The following GRAMD1A variants were observed in gnomAD, a reference collection of about 807,000 sequenced individuals.
GRAMD1A encodes the protein protein Aster-A.
A neutral mutation model predicts 92.0 loss-of-function variants in GRAMD1A; 50 were observed. That is an observed-to-expected ratio of 0.54 (90% CI 0.43 to 0.69). GRAMD1A has a LOEUF of 0.69. Ranked by LOEUF, GRAMD1A falls within the 30% of genes least tolerant of loss-of-function variation. GRAMD1A has a pLI of 0.00. For synonymous variants in GRAMD1A, 405 were observed against 403.6 expected (o/e 1.00, Z -0.04); for missense variants, 819 against 978.9 (o/e 0.84, Z 2.18).
Position 35,019,442 on chromosome 19 carries a change from G to A in GRAMD1A, c.1384G>A (p.Val462Met), listed in dbSNP as rs1411410758. The A allele has an allele frequency of 2.5e-6, 4 of 1,613,950 alleles. No homozygotes were observed. Among genetic ancestry groups the A allele is most frequent in the African/African-American group, 1.3e-5 (1 of 75,040 alleles). The change falls in exon 13 of 20, where the codon GTG becomes ATG. Residue 462 changes from valine (V) to methionine (M), a missense_variant. By Grantham distance (21) the Val-to-Met change is conservative. Transcript: ENST00000317991. ...QAGGCVVDSE[V>M]LTQGIPYQDY... ...CGGCGGGTGTGTGGTGGACTCCGAG[G>A]TGCTGACGCAGGGCATCCCCTACCA...
chr19:35,012,038 G>C (rs1323258923), intron 7 of GRAMD1A, among the ~76,000 whole-genome samples: 3 of 152,194 alleles, frequency 2.0e-5, no homozygotes, highest in African/African-American at 2.4e-5. Context: ...AAGGAGGACA[G>C]GGCAGAGCCC....
At chr19:35,005,631 T>C (rs2014754855) in intron 1 of GRAMD1A, among the ~76,000 whole-genome samples, 1 of 152,150 alleles carries the variant, frequency 6.6e-6, no homozygotes, top group Non-Finnish European at 1.5e-5. Flanking sequence ...CCTGGGCCAC[T>C]GGCTGTTTAA....
chr19:35,017,161 A>G (rs566980144), intron 11 of GRAMD1A, among the ~76,000 whole-genome samples: 1 of 144,196 alleles, frequency 6.9e-6, no homozygotes, highest in South Asian at 2.2e-4. Flanking sequence ...GGTGACAGAG[A>G]GAGACTCCAT....
At chr19:35,010,258 C>G in intron 5 of GRAMD1A, 26 bp from the exon 6 acceptor site, 1 of 1,596,662 alleles carries the variant, frequency 6.3e-7, no homozygotes, top group Non-Finnish European at 8.6e-7. Flanking sequence ...CCACCCCGCT[C>G]CTATTGACCC....
chr19:35,016,288 A>G (rs1398853030), intron 11 of GRAMD1A, among the ~76,000 whole-genome samples: 2 of 150,286 alleles, frequency 1.3e-5, no homozygotes, highest in East Asian at 3.9e-4. Context: ...TAAGCGTTTA[A>G]TAAATACAAG....
At position 35,012,443 on chromosome 19, in the gene GRAMD1A, A is replaced by G. The variant is rs2015308042; in HGVS notation, c.607-813A>G. Among the ~76,000 whole-genome samples the G allele has an allele frequency of 2.0e-5, 3 of 152,230 alleles. No individual in the cohort carries two copies. In the South Asian group the frequency reaches 6.2e-4, roughly 31 times the overall value. On this transcript the variant is annotated intron_variant, in intron 7 of 19. Transcript: ENST00000317991. ...GTGGCAAATGTCTGCTGCTATCATC[A>G]CTTACTGTTAACTGTCATCACTGTC...
At chr19:35,006,846 G>A (rs760929040) in intron 1 of GRAMD1A, among the ~76,000 whole-genome samples, 2 of 152,220 alleles carry the variant, frequency 1.3e-5, no homozygotes, top group Admixed American at 6.5e-5. Context: ...GGGGTGTGGC[G>A]ACAGAGGTGC....
chr19:35,024,218 G>A (rs2016284695), intron 19 of GRAMD1A, among the ~76,000 whole-genome samples: 1 of 152,228 alleles, frequency 6.6e-6, no homozygotes, highest in African/African-American at 2.4e-5. Flanking sequence ...GATAATGACT[G>A]ATGCTACCTC....
intron 1 of GRAMD1A, among the ~76,000 whole-genome samples, chr19:35,004,181 A>T (rs2014626957): frequency 6.6e-6 from 1 of 152,144 alleles, no homozygotes; most frequent in Non-Finnish European, 1.5e-5. Context: ...GTGACCTGGG[A>T]GGCTGAGGAT....
intron 1 of GRAMD1A, among the ~76,000 whole-genome samples, chr19:35,003,061 G>GGTGT (rs58809497): frequency 0.24 from 34,501 of 142,178 alleles, 4,297 homozygotes; most frequent in Middle Eastern, 0.36. Flanking sequence ...CAATGCTGCA[G>GGTGT]GTGTGTGTGT....
At position 35,022,013 on chromosome 19, in the gene GRAMD1A, A is replaced by G. The variant is rs1320512256; in HGVS notation, c.1816A>G (p.Ser606Gly). ...CCAGGGCCCCGGGGCAGGCATCCCC[A>G]GTGCCCTGGTTCTCATCAGCATTGT... ...VDQGPGAGIP[S>G]ALVLISIVIC... The change falls in exon 16 of 20, where the codon AGT (serine) becomes GGT (glycine). Residue 606 changes from serine to glycine, a missense_variant. Ser to Gly is a moderately conservative substitution (Grantham distance 56). Around this residue, in one of 3 missense-constraint regions of GRAMD1A, gnomAD observed 577 missense variants for 674.6 expected, o/e 0.86. Transcript: ENST00000317991. The G allele has an allele frequency of 1.9e-6, 3 of 1,613,760 alleles. No homozygotes were observed. The highest frequency in any genetic ancestry group is 1.7e-5 in the Admixed American group (1 of 60,008).
intron 19 of GRAMD1A, 99 bp from the exon 20 acceptor site, chr19:35,025,950 T>C (rs745606673): frequency 4.1e-6 from 3 of 738,084 alleles, no homozygotes; most frequent in Non-Finnish European, 7.4e-6. Context: ...GTATGGCCTC[T>C]AGACCGTCCT....
upstream of GRAMD1A, chr19:34,999,871 G>GT (rs2014216254): frequency 4.7e-6 from 1 of 214,204 alleles, no homozygotes; most frequent in Non-Finnish European, 8.0e-6. Context: ...AGGGAAGGAG[G>GT]AGGCGGCCAA....
At chr19:35,006,780 A>G (rs968718232) in intron 1 of GRAMD1A, among the ~76,000 whole-genome samples, 1 of 152,262 alleles carries the variant, frequency 6.6e-6, no homozygotes, top group Admixed American at 6.5e-5. Context: ...CCTGAAGGTC[A>G]CAGTCTGGGT....
At chr19:35,018,334 G>T (rs1292956441) in intron 11 of GRAMD1A, among the ~76,000 whole-genome samples, 1 of 152,166 alleles carries the variant, frequency 6.6e-6, no homozygotes, top group Non-Finnish European at 1.5e-5. Flanking sequence ...AAGGCAAAGG[G>T]GGAGCAAGTG....
chr19:34,996,354 A>C (rs1380906805), upstream of GRAMD1A: 1 of 1,334,216 alleles, frequency 7.5e-7, no homozygotes, highest in Non-Finnish European at 1.0e-6. Context: ...TCTCTCTGTC[A>C]AGGGTGGGTT....
In GRAMD1A at chr19:35,021,258, C is replaced by T. The variant is rs148244315; in HGVS notation, c.1476-244C>T. 2.0e-5 allele frequency among the ~76,000 whole-genome samples: 3 copies of T among 152,274 alleles called. No individual in the cohort carries two copies. The highest frequency in any genetic ancestry group is 4.4e-5 in the Non-Finnish European group (3 of 68,032). On this transcript the variant is annotated intron_variant, in intron 13 of 19. Coordinates refer to ENST00000317991, the MANE Select transcript of GRAMD1A (RefSeq NM_020895.5). The surrounding 1 kb of genome is among the most constrained non-coding windows in gnomAD (Gnocchi z 5.3). ...TAGACAGGGCTCAGGCCGCCGGGAGCGTTGCCCAGGTAGTGGGCATGGGTG... is the reference window on the plus strand; with the variant it reads ...TAGACAGGGCTCAGGCCGCCGGGAGTGTTGCCCAGGTAGTGGGCATGGGTG...
Position 35,019,180 on chromosome 19 carries a change from CCCT to C in GRAMD1A, c.1214-6_1214-4del, listed in dbSNP as rs769941365. ...GGTGTGGCCTCCTCATGCTGCTCCT[CCCT>C]CCTCTAGACGTGACGCTGAGCCCCT... On this transcript the variant is annotated splice_region_variant and splice_polypyrimidine_tract_variant and intron_variant, in intron 11 of 19. Transcript: ENST00000317991. 18 of 1,574,430 alleles carry C rather than the reference CCCT, an allele frequency of 1.1e-5. No individual in the cohort carries two copies. The highest frequency in any genetic ancestry group is 1.5e-5 in the Non-Finnish European group (17 of 1,147,384).
chr19:35,016,011 G>A lies in GRAMD1A; in HGVS notation c.1213+44G>A, dbSNP rs2015603961. 4 of 1,595,466 alleles carry A rather than the reference G, an allele frequency of 2.5e-6. No homozygotes were observed. In the East Asian group the frequency reaches 9.0e-5, roughly 36 times the overall value. The stretch of plus-strand genomic sequence containing the variant: ...GAGAGGCTGAGGTTACCCAGGTGCA[G>A]GGGAGGGGTGAGGAAGGGTAGCCCA... On this transcript the variant is annotated intron_variant, in intron 11 of 19. Transcript: ENST00000317991.
Sources: gnomAD v4.1 joint callset for allele counts (sites outside exome capture counted in the v4.1 genomes callset) on GRCh38, gnomAD v4.1.1 for gene constraint, gnomAD v4.1.1 regional missense constraint, Gnocchi (gnomAD v3.1) non-coding constraint, MANE v1.5 for transcripts, NCBI Gene and HGNC (gene_info 2026-07-23, HGNC 2026-07-21) for gene names.